The following GPC5 variants were observed in gnomAD, a reference collection of about 807,000 sequenced individuals.
The protein encoded by GPC5 is glypican 5.
A neutral mutation model predicts 53.9 loss-of-function variants in GPC5; 47 were observed. That is an observed-to-expected ratio of 0.87 (90% CI 0.69 to 1.11). The LOEUF (loss-of-function observed/expected upper bound fraction) is 1.11, where lower values mean the gene tolerates loss of function less well. GPC5 is among the 50% of genes most tolerant of loss of function. The pLI is 0.00. For synonymous variants in GPC5, 286 were observed against 263.3 expected (o/e 1.09, Z -0.84); for missense variants, 748 against 713.1 (o/e 1.05, Z -0.56).
In GPC5 at chr13:92,178,878, G is replaced by A. The variant is rs2042127014; in HGVS notation, c.1561+33889G>A. ...CCCAGCTACTCAGGAGGCTGAAGCA[G>A]GAGAATCGCTTGAACCCAGGAGGTG... On this transcript the variant is annotated intron_variant, in intron 7 of 7. Coordinates refer to ENST00000377067, the MANE Select transcript of GPC5 (RefSeq NM_004466.6). Among the ~76,000 whole-genome samples the A allele has an allele frequency of 2.0e-5, 3 of 152,110 alleles. No individual in the cohort carries two copies. The South Asian group carries it at 6.2e-4, about 32-fold the overall frequency.
rs570977349 is a variant in GPC5 at position 92,382,997 on chromosome 13, C to T, written c.1561+238008C>T. Among the ~76,000 whole-genome samples the T allele has an allele frequency of 6.9e-3, 695 of 100,108 alleles. 4 individuals carry two copies. The highest frequency in any genetic ancestry group is 0.029 in the African/African-American group (661 of 22,658). The allele number at this position is 100,108 out of a possible 152,430, so 65.7% of individuals were successfully genotyped here. A position where few individuals can be genotyped will look rare whatever the true frequency, so the allele number is the denominator to read the frequency against. On this transcript the variant is annotated intron_variant, in intron 7 of 7. Transcript: ENST00000377067. ...CAGCCTGGGCTACAGAGCAAGACTC[C>T]GTCTCAAAAAAAAAAAAAAAAAAAA... is the stretch of plus-strand genomic sequence containing the variant.
chr13:92,787,407 G>A (rs748138353), intron 7 of GPC5, among the ~76,000 whole-genome samples: 7 of 151,676 alleles, frequency 4.6e-5, no homozygotes, highest in Non-Finnish European at 1.0e-4. Flanking sequence ...AGAAAACCAG[G>A]ACATTTTTAA....
intron 7 of GPC5, among the ~76,000 whole-genome samples, chr13:92,794,303 T>C (rs192959282): frequency 6.3e-4 from 96 of 152,250 alleles, no homozygotes; most frequent in Non-Finnish European, 1.0e-3. Context: ...TCTCAATAGA[T>C]GGAGAAAAGG....
intron 2 of GPC5, among the ~76,000 whole-genome samples, chr13:91,564,380 C>T (rs2031430109): frequency 6.6e-6 from 1 of 152,180 alleles, no homozygotes; most frequent in African/African-American, 2.4e-5. Context: ...GACAACTTGG[C>T]AAGATCTGGG....
intron 2 of GPC5, among the ~76,000 whole-genome samples, chr13:91,537,347 A>T (rs1270369209): frequency 6.6e-6 from 1 of 152,166 alleles, no homozygotes; most frequent in African/African-American, 2.4e-5. Flanking sequence ...GAGTGAAAGA[A>T]AGGACTTAAC....
chr13:91,996,424 C>T (rs1466284602), intron 6 of GPC5: 1 of 152,256 alleles, frequency 6.6e-6, no homozygotes, highest in African/African-American at 2.4e-5. Flanking sequence ...ACTCATAAGG[C>T]ACAAAGAAAC....
chr13:91,854,654 C>T (rs1280655373), intron 5 of GPC5, among the ~76,000 whole-genome samples: 1 of 151,584 alleles, frequency 6.6e-6, no homozygotes, highest in Admixed American at 6.6e-5. Context: ...CCAGGAAAAG[C>T]AAAAACAAGC....
rs570137181 is a variant in GPC5 at position 92,098,362 on chromosome 13, A to G, written c.1402-46468A>G. ...ATCTTGTTTTTGTTATGACCTTTGC[A>G]CCTTTGTAACCAGAATATCTATAAT... On this transcript the variant is annotated intron_variant, in intron 6 of 7. Transcript: ENST00000377067. Among the ~76,000 whole-genome samples, 3 of 152,238 alleles carry G rather than the reference A, an allele frequency of 2.0e-5. No homozygotes were observed. In the South Asian group the frequency reaches 6.2e-4, roughly 32 times the overall value.
intron 7 of GPC5, among the ~76,000 whole-genome samples, chr13:92,215,749 C>T (rs990716008): frequency 6.6e-6 from 1 of 152,172 alleles, no homozygotes; most frequent in Non-Finnish European, 1.5e-5. Context: ...AAATCCATTA[C>T]AGCAGAGTTT....
chr13:91,601,805 T>A (rs931479943), intron 2 of GPC5, among the ~76,000 whole-genome samples: 2 of 152,190 alleles, frequency 1.3e-5, no homozygotes, highest in African/African-American at 4.8e-5. Context: ...CATTATATAT[T>A]ACAGTGCAAT....
chr13:91,624,416 A>AT (rs1326513863), intron 2 of GPC5, among the ~76,000 whole-genome samples: 1 of 152,172 alleles, frequency 6.6e-6, no homozygotes, highest in Non-Finnish European at 1.5e-5. Flanking sequence ...TGAAAGAACT[A>AT]TTAAACCTCC....
intron 6 of GPC5, among the ~76,000 whole-genome samples, chr13:91,972,834 C>G (rs2040257255): frequency 6.6e-6 from 1 of 152,182 alleles, no homozygotes; most frequent in Non-Finnish European, 1.5e-5. Context: ...GCTGAGAGAT[C>G]CACTGTTAGT....
At position 91,410,203 on chromosome 13, in the gene GPC5, C is replaced by A. The variant is rs141392267; in HGVS notation, c.163+10994C>A. On this transcript the variant is annotated intron_variant, in intron 1 of 7. Transcript: ENST00000377067. ...TGAGAAGCATGTGGTATTGGGAAGG[C>A]GGTTTGTAAACAGTAATAGTCTCTA... Among the ~76,000 whole-genome samples the A allele has an allele frequency of 9.3e-4, 141 of 152,110 alleles. 1 individual carries two copies. The highest frequency in any genetic ancestry group is 3.2e-3 in the African/African-American group (131 of 41,478).
At chr13:92,848,016 A>T (rs1010711824) in intron 7 of GPC5, among the ~76,000 whole-genome samples, 3 of 152,162 alleles carry the variant, frequency 2.0e-5, no homozygotes, top group Non-Finnish European at 4.4e-5. Flanking sequence ...TGAGTCCCGA[A>T]GGCGACTCCT....
At chr13:92,826,920 G>T (rs1319706360) in intron 7 of GPC5, among the ~76,000 whole-genome samples, 3 of 151,948 alleles carry the variant, frequency 2.0e-5, no homozygotes, top group Admixed American at 6.6e-5. Context: ...AGTTTTGGGG[G>T]ATATTCTAAT....
chr13:91,832,773 G>T (rs1319623249), intron 5 of GPC5, among the ~76,000 whole-genome samples: 1 of 152,078 alleles, frequency 6.6e-6, no homozygotes, highest in Non-Finnish European at 1.5e-5. Context: ...AGCACTAAAT[G>T]CCCACAAGAG....
At chr13:92,484,860 G>A (rs1433992145) in intron 7 of GPC5, among the ~76,000 whole-genome samples, 5 of 151,892 alleles carry the variant, frequency 3.3e-5, no homozygotes, top group African/African-American at 4.8e-5. Flanking sequence ...TCAGCCTCCC[G>A]AGTAGCTGGG....
At chr13:91,910,944 A>T (rs565623046) in intron 6 of GPC5, among the ~76,000 whole-genome samples, 7 of 152,290 alleles carry the variant, frequency 4.6e-5, no homozygotes, top group Admixed American at 2.0e-4. Flanking sequence ...GTAGGGAAAG[A>T]TATTTAAGAA....
intron 7 of GPC5, among the ~76,000 whole-genome samples, chr13:92,648,840 G>A (rs1406993495): frequency 2.0e-5 from 3 of 152,098 alleles, no homozygotes; most frequent in Non-Finnish European, 4.4e-5. Flanking sequence ...AGAGTTAACT[G>A]AGTGGCTCCC....
Sources: allele counts gnomAD v4.1 joint callset (sites outside exome capture counted in the v4.1 genomes callset), GRCh38; gene constraint gnomAD v4.1.1; transcripts MANE v1.5; gene names NCBI Gene and HGNC (gene_info 2026-07-23, HGNC 2026-07-21).